Variants in MYLK observed in about 807,000 individuals in gnomAD.
The protein encoded by MYLK is myosin light chain kinase, also known as myosin light chain kinase, smooth muscle.
A neutral mutation model predicts 203.4 loss-of-function variants in MYLK; 106 were observed. The observed-to-expected ratio is 0.52, with a 90% CI of 0.45 to 0.61. The LOEUF is 0.61. Ranked by LOEUF, MYLK falls within the 20% of genes least tolerant of loss-of-function variation. The pLI is 0.00. For synonymous variants in MYLK, 867 were observed against 959.5 expected, an observed-to-expected ratio of 0.90 and a Z score of 1.78; for missense variants, 2,072 against 2,442.3, an observed-to-expected ratio of 0.85 and a Z score of 3.20.
rs748123681 is a variant in MYLK at position 123,740,005 on chromosome 3, C to G, written c.374-4G>C. On this transcript the variant is annotated splice_region_variant and splice_polypyrimidine_tract_variant and intron_variant, in intron 5 of 33. Coordinates refer to ENST00000360304, the MANE Select transcript of MYLK (RefSeq NM_053025.4). The stretch of plus-strand genomic sequence containing the variant: ...CCAAGCTGCTTCGCAAAACTTCCTG[C>G]AAGAAAAAGAGTTGATGAGTCAGGT... 6.2e-7 allele frequency: 1 copy of G among 1,613,552 alleles called. No homozygotes were observed. Among genetic ancestry groups the G allele is most frequent in the Non-Finnish European group, 8.5e-7 (1 of 1,179,730 alleles).
rs1239985909 is a variant in MYLK, at chr3:123,701,008, G to A, written c.2463-3C>T. 6.3e-7 allele frequency: 1 copy of A among 1,599,392 alleles called. No individual in the cohort carries two copies. Among genetic ancestry groups the A allele is most frequent in the Non-Finnish European group, 8.5e-7 (1 of 1,178,514 alleles). On this transcript the variant is annotated splice_region_variant and splice_polypyrimidine_tract_variant and intron_variant, in intron 17 of 33. Coordinates refer to ENST00000360304, the MANE Select transcript of MYLK (RefSeq NM_053025.4). ...CGCAGCTGGCAGGCTCCCTCCCCCT[G>A]CAACCAGTGTAGGGAAAAAGGAAAG...
At chr3:123,877,749 C>T (rs1054976294) in intron 1 of MYLK, among the ~76,000 whole-genome samples, 1 of 152,206 alleles carries the variant, frequency 6.6e-6, no homozygotes, top group Non-Finnish European at 1.5e-5. Context: ...CTCGTTTCCA[C>T]AAGATCAGCA....
rs1869866 is a variant in MYLK at position 123,694,401 on chromosome 3, G to A, written c.3449-1550C>T. Among the ~76,000 whole-genome samples, 7,217 of 152,228 alleles carry A rather than the reference G, an allele frequency of 0.047. 858 individuals carry two copies. In the East Asian group the frequency reaches 0.49, roughly 10 times the overall value. ...ATAAGAGTAAGAATCGTGAGGCACA[G>A]GAGTGGGGAATGAGGATAACCATGT... is the stretch of plus-strand genomic sequence containing the variant. On this transcript the variant is annotated intron_variant, in intron 18 of 33. Coordinates refer to ENST00000360304, the MANE Select transcript of MYLK (RefSeq NM_053025.4).
chr3:123,620,485 A>G (rs988521821), intron 31 of MYLK, 149 bp from the exon 32 acceptor site: 1 of 1,556,240 alleles, frequency 6.4e-7, no homozygotes, highest in Non-Finnish European at 8.7e-7. Context: ...CTGCCAGAGG[A>G]GCGAACCCAA....
chr3:123,840,874 T>C (rs2066575305), intron 2 of MYLK, among the ~76,000 whole-genome samples: 1 of 151,342 alleles, frequency 6.6e-6, no homozygotes, highest in South Asian at 2.1e-4. Context: ...TCTGGGCAAC[T>C]GCTTTAGTCT....
At chr3:123,703,750 A>C (rs1452953860) in intron 16 of MYLK, among the ~76,000 whole-genome samples, 4 of 152,192 alleles carry the variant, frequency 2.6e-5, no homozygotes, top group African/African-American at 7.2e-5. Flanking sequence ...CCTACCTTTA[A>C]GCACAGCCTT....
intron 2 of MYLK, among the ~76,000 whole-genome samples, chr3:123,870,648 T>C (rs2032717789): frequency 6.6e-6 from 1 of 152,218 alleles, no homozygotes; most frequent in Non-Finnish European, 1.5e-5. Flanking sequence ...CTAAAGCAGG[T>C]AGGTGTAGGC....
chr3:123,667,098 A>G (rs2059761848), intron 21 of MYLK, 39 bp downstream of exon 21: 2 of 1,602,298 alleles, frequency 1.2e-6, no homozygotes, highest in Non-Finnish European at 1.7e-6. Context: ...CCCATGGTAG[A>G]TGACTTCTTT....
intron 20 of MYLK, among the ~76,000 whole-genome samples, chr3:123,670,114 T>C (rs2059868653): frequency 6.6e-6 from 1 of 151,220 alleles, no homozygotes; most frequent in Non-Finnish European, 1.5e-5. Flanking sequence ...TATACAATAA[T>C]TTTTCATGCT....
intron 11 of MYLK, among the ~76,000 whole-genome samples, chr3:123,729,345 G>A (rs1021085164): frequency 9.2e-5 from 14 of 152,168 alleles, no homozygotes; most frequent in African/African-American, 1.9e-4. Context: ...TTCTGTGGCC[G>A]CACATGACAA....
chr3:123,743,846 G>A (rs999332502), intron 5 of MYLK, among the ~76,000 whole-genome samples: 1 of 152,112 alleles, frequency 6.6e-6, no homozygotes, highest in African/African-American at 2.4e-5. Flanking sequence ...GAAAGGAGCC[G>A]AAATGCTTCT....
intron 23 of MYLK, 36 bp from the exon 24 acceptor site, chr3:123,657,464 C>G: frequency 6.2e-7 from 1 of 1,608,212 alleles, no homozygotes. Flanking sequence ...CCCACACTTT[C>G]CAGAATTGCA....
intron 18 of MYLK, among the ~76,000 whole-genome samples, chr3:123,697,821 C>T (rs947311980): frequency 2.6e-5 from 4 of 152,184 alleles, no homozygotes; most frequent in Admixed American, 6.5e-5. Flanking sequence ...CTCTCCTGGT[C>T]TCTCTCTCCC....
At chr3:123,881,942 A>T (rs1472330353) in intron 1 of MYLK, among the ~76,000 whole-genome samples, 1 of 152,180 alleles carries the variant, frequency 6.6e-6, no homozygotes, top group African/African-American at 2.4e-5. Context: ...CCTGCCAGCC[A>T]GGAGCCCCTC....
At chr3:123,731,096 G>A (rs1284857485) in intron 11 of MYLK, among the ~76,000 whole-genome samples, 1 of 152,164 alleles carries the variant, frequency 6.6e-6, no homozygotes, top group Non-Finnish European at 1.5e-5. Flanking sequence ...TGGTGGACCT[G>A]ACACCATATT....
chr3:123,852,202 TTC>T (rs1467869328), intron 2 of MYLK, among the ~76,000 whole-genome samples: 1 of 152,218 alleles, frequency 6.6e-6, no homozygotes, highest in Non-Finnish European at 1.5e-5. Flanking sequence ...TGGTCTAAAA[TTC>T]TCTTTTTTGT....
rs376646589 is a variant in MYLK, at chr3:123,853,935, T to C, written c.-126-22265A>G. On this transcript the variant is annotated intron_variant, in intron 2 of 33. Coordinates refer to ENST00000360304, the MANE Select transcript of MYLK (RefSeq NM_053025.4). ...CTTTGACTAACAGGACATTAGCACA[T>C]ATAACATAAGCAGAGGCTTAAAAAG... Among the ~76,000 whole-genome samples, 173 of 152,182 alleles carry C rather than the reference T, an allele frequency of 1.1e-3. 5 individuals carry two copies. The South Asian group carries it at 0.035, about 31-fold the overall frequency.
chr3:123,639,499 T>A (rs2058758767), intron 28 of MYLK, among the ~76,000 whole-genome samples: 1 of 152,122 alleles, frequency 6.6e-6, no homozygotes, highest in Non-Finnish European at 1.5e-5. Context: ...GGGCAGTGGC[T>A]AAGAAGGGAG....
At chr3:123,784,970 A>G (rs1324199342) in intron 4 of MYLK, among the ~76,000 whole-genome samples, 2 of 152,220 alleles carry the variant, frequency 1.3e-5, no homozygotes, top group African/African-American at 2.4e-5. Flanking sequence ...TTTCTTATAA[A>G]CTAACATCTA....
Sources: gnomAD v4.1 joint callset for allele counts (sites outside exome capture counted in the v4.1 genomes callset) on GRCh38, gnomAD v4.1.1 for gene constraint, MANE v1.5 for transcripts, NCBI Gene and HGNC (gene_info 2026-07-23, HGNC 2026-07-21) for gene names.